ADORA2B: variants seen among roughly 807,000 people sequenced by gnomAD.
ADORA2B encodes the protein adenosine A2b receptor, also known as adenosine receptor A2b.
In ADORA2B, 18 loss-of-function variants were observed where a neutral mutation model predicts 20.8. That is an observed-to-expected ratio of 0.87 (90% CI 0.60 to 1.29). The LOEUF is 1.29. Ranked by LOEUF, ADORA2B falls within the 50% of genes most tolerant of loss-of-function variation. ADORA2B has a pLI of 0.00. For synonymous variants in ADORA2B, 179 were observed against 178.3 expected, an observed-to-expected ratio of 1.00 and a Z score of -0.03; for missense variants, 441 against 422.7, an observed-to-expected ratio of 1.04 and a Z score of -0.38.
the ADORA2B span, among the ~76,000 whole-genome samples, chr17:15,913,912 G>A: frequency 1.3e-5 from 2 of 152,202 alleles, no homozygotes; most frequent in South Asian, 4.1e-4. Flanking sequence ...TGTGACCTCA[G>A]AAGGCCTGGC....
At chr17:15,886,280 G>T in the ADORA2B span, among the ~76,000 whole-genome samples, 7 of 82,388 alleles carry the variant, frequency 8.5e-5, no homozygotes, top group East Asian at 2.0e-3. Context: ...AATTCATCCT[G>T]CCTCCCGTAC....
upstream of ADORA2B, among the ~76,000 whole-genome samples, chr17:15,941,802 T>C (rs1192349048): frequency 2.0e-5 from 3 of 151,128 alleles, no homozygotes; most frequent in Non-Finnish European, 4.4e-5. Flanking sequence ...GTTTCCTGAA[T>C]AATAACCTGT....
the ADORA2B span, among the ~76,000 whole-genome samples, chr17:15,889,377 C>T: frequency 7.7e-6 from 1 of 129,082 alleles, no homozygotes; most frequent in African/African-American, 3.3e-5. Flanking sequence ...CTGTCCTTCC[C>T]AGACTTCTTT....
At chr17:15,960,088 C>T (rs902048657) in intron 1 of ADORA2B, among the ~76,000 whole-genome samples, 3 of 151,956 alleles carry the variant, frequency 2.0e-5, no homozygotes, top group Non-Finnish European at 2.9e-5. Flanking sequence ...GGCAACACAG[C>T]GAGGCCCCAT....
At chr17:15,965,151 T>C (rs1970100006) in intron 1 of ADORA2B, among the ~76,000 whole-genome samples, 1 of 152,186 alleles carries the variant, frequency 6.6e-6, no homozygotes, top group African/African-American at 2.4e-5. Context: ...CAATATCCCC[T>C]CTTATATAGA....
At chr17:15,878,216 T>C in the ADORA2B span, among the ~76,000 whole-genome samples, 7 of 116,722 alleles carry the variant, frequency 6.0e-5, no homozygotes, top group South Asian at 3.1e-4. Flanking sequence ...CACACACACA[T>C]TATATAAATA....
the ADORA2B span, among the ~76,000 whole-genome samples, chr17:15,937,881 A>G: frequency 1.3e-5 from 2 of 151,996 alleles, no homozygotes; most frequent in African/African-American, 4.8e-5. Context: ...CCTGAATAAG[A>G]GCTTTTCAAA....
chr17:15,951,633 A>G (rs758858), intron 1 of ADORA2B, among the ~76,000 whole-genome samples: 136,277 of 152,288 alleles, frequency 0.89, 62,490 homozygotes, highest in Non-Finnish European at 0.99. Context: ...CCAAGGTCTG[A>G]TTTGGTCAGT....
At chr17:15,915,659 C>G in the ADORA2B span, among the ~76,000 whole-genome samples, 1 of 152,164 alleles carries the variant, frequency 6.6e-6, no homozygotes, top group African/African-American at 2.4e-5. Context: ...CCCCATGTGA[C>G]TATGGAGGCT....
At chr17:15,872,085 A>G in the ADORA2B span, among the ~76,000 whole-genome samples, 1 of 152,170 alleles carries the variant, frequency 6.6e-6, no homozygotes, top group Non-Finnish European at 1.5e-5. Context: ...ATCCACAGAA[A>G]CAGAAAGCAG....
chr17:15,974,420 C>A, intron 1 of ADORA2B: 1 of 431,380 alleles, frequency 2.3e-6, no homozygotes, highest in East Asian at 3.7e-5. Flanking sequence ...GGCTTCCCCA[C>A]CTCTTGTCAT....
chr17:15,893,872 C>T, the ADORA2B span, among the ~76,000 whole-genome samples: 1,277 of 152,322 alleles, frequency 8.4e-3, 9 homozygotes, highest in Admixed American at 0.023. Context: ...TTAAGGGCCA[C>T]GTAATAGGAT....
chr17:15,940,359 A>T (rs555299607), upstream of ADORA2B, among the ~76,000 whole-genome samples: 8 of 152,326 alleles, frequency 5.3e-5, no homozygotes, highest in African/African-American at 1.9e-4. Flanking sequence ...TCCTCAGGAA[A>T]AGCGGAGCCA....
chr17:15,914,446 C>A, the ADORA2B span, among the ~76,000 whole-genome samples: 1 of 152,150 alleles, frequency 6.6e-6, no homozygotes, highest in African/African-American at 2.4e-5. Context: ...CCCAAGTGAT[C>A]CTCCCATCCG....
chr17:15,905,302 G>A, the ADORA2B span, among the ~76,000 whole-genome samples: 948 of 151,738 alleles, frequency 6.2e-3, 6 homozygotes, highest in Middle Eastern at 0.027. Context: ...GGTTGCGATT[G>A]TAAATGGCTT....
chr17:15,853,942 C>CATTTATTT, the ADORA2B span, among the ~76,000 whole-genome samples: 1 of 152,020 alleles, frequency 6.6e-6, no homozygotes, highest in African/African-American at 2.4e-5. Flanking sequence ...TTCAGAGATA[C>CATTTATTT]ATTTATTTAT....
chr17:15,930,248 A>T, the ADORA2B span, among the ~76,000 whole-genome samples: 429 of 146,098 alleles, frequency 2.9e-3, 1 homozygote, highest in African/African-American at 0.01. Context: ...GAGTTGGTTT[A>T]TTTGAATGTG....
the ADORA2B span, among the ~76,000 whole-genome samples, chr17:15,887,001 G>A: frequency 1.5e-5 from 2 of 130,984 alleles, 1 homozygote; most frequent in Non-Finnish European, 3.2e-5. Context: ...CCTGTGTCAC[G>A]ATGCCAAAGC....
At chr17:15,948,469 C>T (rs184412223) in intron 1 of ADORA2B, among the ~76,000 whole-genome samples, 258 of 117,042 alleles carry the variant, frequency 2.2e-3, no homozygotes, top group Non-Finnish European at 3.6e-3. Context: ...GGGAGGTGGA[C>T]GTGTACAGGC....
Sources: gnomAD v4.1 joint callset for allele counts (sites outside exome capture counted in the v4.1 genomes callset) on GRCh38, gnomAD v4.1.1 for gene constraint, MANE v1.5 for transcripts, NCBI Gene and HGNC (gene_info 2026-07-23, HGNC 2026-07-21) for gene names.